ACVR1: variants seen among roughly 807,000 people sequenced by gnomAD.
ACVR1 encodes activin receptor type-1.
Under a neutral mutation model 57.1 loss-of-function variants are expected in ACVR1, and 38 were observed. That is an observed-to-expected ratio of 0.67 (90% CI 0.51 to 0.87). The LOEUF is 0.87. Among genes scored for constraint, ACVR1 ranks in the 40% least tolerant of loss-of-function variants. The pLI, the probability that ACVR1 is intolerant of heterozygous loss-of-function variation, is 0.00. For synonymous variants in ACVR1, 212 were observed against 228.1 expected (o/e 0.93, Z 0.63); for missense variants, 463 against 638.2 (o/e 0.73, Z 2.96).
At chr2:157,759,496 T>A (rs1404916355) in intron 9 of ACVR1, among the ~76,000 whole-genome samples, 1 of 152,118 alleles carries the variant, frequency 6.6e-6, no homozygotes, top group African/African-American at 2.4e-5. Context: ...CAGGATTGGA[T>A]GGCTTTACTG....
chr2:157,851,065 T>C (rs758768501), intron 1 of ACVR1, among the ~76,000 whole-genome samples: 2 of 152,248 alleles, frequency 1.3e-5, no homozygotes, highest in Middle Eastern at 3.4e-3. Context: ...AGTTACTACA[T>C]TCAAAGGGTG....
intron 9 of ACVR1, among the ~76,000 whole-genome samples, chr2:157,750,989 G>A (rs1342166593): frequency 6.6e-6 from 1 of 152,128 alleles, no homozygotes; most frequent in Admixed American, 6.5e-5. Flanking sequence ...AGAGCAACGT[G>A]TGGAGACTCG....
intron 2 of ACVR1, among the ~76,000 whole-genome samples, chr2:157,817,001 C>A (rs968389517): frequency 2.0e-5 from 3 of 151,920 alleles, no homozygotes; most frequent in Non-Finnish European, 4.4e-5. Context: ...GTTCTGTTGC[C>A]CAGTCTGGGC....
chr2:157,842,563 A>C (rs1689014614), intron 1 of ACVR1, among the ~76,000 whole-genome samples: 1 of 152,072 alleles, frequency 6.6e-6, no homozygotes, highest in Admixed American at 6.6e-5. Context: ...CCGCTGTCAG[A>C]CTCCAAATCT....
At chr2:157,767,310 A>C (rs1271818897) in intron 7 of ACVR1, among the ~76,000 whole-genome samples, 1 of 152,182 alleles carries the variant, frequency 6.6e-6, no homozygotes, top group African/African-American at 2.4e-5. Flanking sequence ...CTGGGATTAC[A>C]AGCGTGAGAC....
At chr2:157,858,540 T>C (rs895152845) in intron 1 of ACVR1, among the ~76,000 whole-genome samples, 2 of 152,174 alleles carry the variant, frequency 1.3e-5, no homozygotes, top group African/African-American at 4.8e-5. Context: ...GGCGCAACCT[T>C]GGCTCACTGC....
intron 4 of ACVR1, 91 bp from the exon 5 acceptor site, chr2:157,778,433 T>A: frequency 2.8e-6 from 3 of 1,072,618 alleles, no homozygotes; most frequent in Non-Finnish European, 4.2e-6. Flanking sequence ...TAGCTCCTGA[T>A]CCTGACCACA....
chr2:157,848,717 T>C lies in ACVR1; in HGVS notation c.-183+27079A>G, dbSNP rs963689528. Among the ~76,000 whole-genome samples the C allele has an allele frequency of 5.9e-5, 9 of 152,336 alleles. No individual in the cohort carries two copies. The East Asian group carries it at 1.7e-3, about 29-fold the overall frequency. ...GCAAAAGAGGACATGGAAAAGAGTC[T>C]GAAAGAAGTCGCACCTCATATCTTA... On this transcript the variant is annotated intron_variant, in intron 1 of 10. Transcript: ENST00000434821.
rs138648604 is a variant in ACVR1 at position 157,739,942 on chromosome 2, T to C, written c.1265-1372A>G. The stretch of plus-strand genomic sequence containing the variant: ...GTTCACGCCTGTAATCTCAGCACTT[T>C]GGGAGGTCGTGGTGGGTGGACCACT... On this transcript the variant is annotated intron_variant, in intron 9 of 10. Transcript: ENST00000434821. Among the ~76,000 whole-genome samples the C allele has an allele frequency of 5.8e-3, 879 of 152,272 alleles. 7 individuals carry two copies. The highest frequency in any genetic ancestry group is 0.02 in the African/African-American group (815 of 41,566).
In ACVR1 at chr2:157,839,262, G is replaced by A. The variant is rs112527988; in HGVS notation, c.-182-20703C>T. 6.3e-3 allele frequency among the ~76,000 whole-genome samples: 962 copies of A among 152,230 alleles called. 8 individuals carry two copies. The highest frequency in any genetic ancestry group is 0.011 in the Admixed American group (165 of 15,292). On this transcript the variant is annotated intron_variant, in intron 1 of 10. Coordinates refer to ENST00000434821, the MANE Select transcript of ACVR1 (RefSeq NM_001111067.4). ...TAAGCACTGGCCTCTCTCGGGTCTC[G>A]CCTTTCTATTGTCCCACCCTGCAGG...
At chr2:157,762,448 G>T (rs1192853956) in intron 8 of ACVR1, among the ~76,000 whole-genome samples, 1 of 152,182 alleles carries the variant, frequency 6.6e-6, no homozygotes, top group Non-Finnish European at 1.5e-5. Context: ...GTATTGGAAG[G>T]TATTTCTCAG....
At chr2:157,807,802 T>A (rs1283518072) in intron 2 of ACVR1, among the ~76,000 whole-genome samples, 1 of 130,550 alleles carries the variant, frequency 7.7e-6, no homozygotes, top group Non-Finnish European at 1.6e-5. Flanking sequence ...GCACTGCTCA[T>A]CTGACACAGC....
chr2:157,758,476 T>C lies in ACVR1; in HGVS notation c.1264+2404A>G, dbSNP rs189303870. Among the ~76,000 whole-genome samples the C allele has an allele frequency of 1.9e-3, 290 of 152,132 alleles. 1 individual carries two copies. Among genetic ancestry groups the C allele is most frequent in the Non-Finnish European group, 3.5e-3 (235 of 67,890 alleles). ...CACACCTGTGATGTGCAAGGTCAAC[T>C]GTATAATCATAAAGGAAGAGAGAAT... On this transcript the variant is annotated intron_variant, in intron 9 of 10. Transcript: ENST00000434821.
At chr2:157,752,453 A>G (rs1448310301) in intron 9 of ACVR1, among the ~76,000 whole-genome samples, 1 of 152,212 alleles carries the variant, frequency 6.6e-6, no homozygotes, top group Non-Finnish European at 1.5e-5. Context: ...ATCCAAACCA[A>G]GAAGAAGAAA....
At chr2:157,826,511 G>C (rs1473571145) in intron 1 of ACVR1, 1 of 151,922 alleles carries the variant, frequency 6.6e-6, no homozygotes, top group Non-Finnish European at 1.5e-5. Flanking sequence ...AATTAGCCAA[G>C]CATGGGTGGC....
intron 9 of ACVR1, among the ~76,000 whole-genome samples, chr2:157,757,021 G>T (rs1479243827): frequency 1.2e-4 from 13 of 106,400 alleles, no homozygotes; most frequent in South Asian, 1.1e-3. Flanking sequence ...ATATATATTT[G>T]ATATATATAT....
chr2:157,777,323 G>A (rs890165596), intron 5 of ACVR1, among the ~76,000 whole-genome samples: 2 of 152,116 alleles, frequency 1.3e-5, no homozygotes, highest in Non-Finnish European at 2.9e-5. Flanking sequence ...ACATTGCCAT[G>A]AGCAAGTAAA....
intron 9 of ACVR1, among the ~76,000 whole-genome samples, chr2:157,751,508 G>A (rs764472388): frequency 6.6e-6 from 1 of 152,216 alleles, no homozygotes; most frequent in East Asian, 1.9e-4. Flanking sequence ...GTGGGAAGGC[G>A]TGCAAGCCCT....
chr2:157,852,436 G>A (rs1689349197), intron 1 of ACVR1, among the ~76,000 whole-genome samples: 1 of 150,228 alleles, frequency 6.7e-6, no homozygotes, highest in African/African-American at 2.5e-5. Flanking sequence ...GGTGGAGACT[G>A]CAGTGAACAG....
Sources: gnomAD v4.1 joint callset for allele counts (sites outside exome capture counted in the v4.1 genomes callset) on GRCh38, gnomAD v4.1.1 for gene constraint, MANE v1.5 for transcripts, NCBI Gene and HGNC (gene_info 2026-07-23, HGNC 2026-07-21) for gene names.